LEPR: variants seen among roughly 807,000 people sequenced by gnomAD.
The protein encoded by LEPR is OB receptor.
LEPR carries 56 observed loss-of-function variants against 114.7 expected under a neutral mutation model. The observed-to-expected ratio is 0.49, with a 90% CI of 0.39 to 0.61. LEPR has a LOEUF of 0.61. LEPR is among the 20% of genes least tolerant of loss of function. LEPR has a pLI of 0.00. For synonymous variants in LEPR, 443 were observed against 461.4 expected (o/e 0.96, Z 0.51); for missense variants, 1,202 against 1,352.9 (o/e 0.89, Z 1.75).
At chr1:65,517,490 G>T (rs1017399611) in intron 2 of LEPR, among the ~76,000 whole-genome samples, 3 of 152,128 alleles carry the variant, frequency 2.0e-5, no homozygotes, top group Non-Finnish European at 4.4e-5. Context: ...AACAAATGTG[G>T]GCAAAGTAAG....
At position 65,601,855 on chromosome 1, in the gene LEPR, A is replaced by G. The variant is rs765998923; in HGVS notation, c.1298A>G (p.Asn433Ser). The change falls in exon 10 of 20, where the codon AAT becomes AGT. Residue 433 changes from asparagine (N) to serine (S), a missense_variant. Physicochemically the swap from Asn to Ser is conservative, Grantham distance 46. Transcript: ENST00000349533. ...ATGTTTCAAATAGATGTCAATATCA[A>G]TATCTCATGTGAAACTGATGGGTAC... ...AELYVIDVNI[N>S]ISCETDGYLT... 14 of 1,612,922 alleles carry G rather than the reference A, an allele frequency of 8.7e-6. No individual in the cohort carries two copies. In the African/African-American group the frequency reaches 1.6e-4, roughly 18 times the overall value.
intron 2 of LEPR, among the ~76,000 whole-genome samples, chr1:65,535,399 T>G (rs946868172): frequency 6.6e-6 from 1 of 151,474 alleles, no homozygotes; most frequent in Non-Finnish European, 1.5e-5. Flanking sequence ...AGTGTCTCGC[T>G]CTATCACCCA....
chr1:65,435,129 C>T, intron 2 of LEPR: 1 of 985,372 alleles, frequency 1.0e-6, no homozygotes, highest in Non-Finnish European at 1.2e-6. Flanking sequence ...AAAATCCTGT[C>T]ATACCTCATC....
chr1:65,547,032 G>A (rs563062797), intron 2 of LEPR, among the ~76,000 whole-genome samples: 15 of 152,046 alleles, frequency 9.9e-5, no homozygotes, highest in Non-Finnish European at 2.2e-4. Context: ...GTTGAATTTT[G>A]TCAAAGGCCT....
At position 65,598,095 on chromosome 1, in the gene LEPR, CTTTTTT is replaced by C. The variant is rs1226626771; in HGVS notation, c.850-550_850-545del. On this transcript the variant is annotated intron_variant, in intron 7 of 19. Transcript: ENST00000349533. ...CTAGGCTCAAGTGATCCTCCTGCCT[CTTTTTT>C]TTTTTTTTTTTTTTAAGAGATGAGG... Among the ~76,000 whole-genome samples the C allele has an allele frequency of 8.9e-5, 9 of 101,490 alleles. 1 individual carries two copies. The highest frequency in any genetic ancestry group is 4.0e-4 in the African/African-American group (9 of 22,634). The allele number at this position is 101,490 out of a possible 152,430, so 66.6% of individuals were successfully genotyped here. A position where few individuals can be genotyped will look rare whatever the true frequency, so the allele number is the denominator to read the frequency against.
chr1:65,523,168 G>A (rs1309483407), intron 2 of LEPR, among the ~76,000 whole-genome samples: 1 of 152,140 alleles, frequency 6.6e-6, no homozygotes, highest in East Asian at 1.9e-4. Context: ...TGTAACAATG[G>A]TCACTTGTGA....
At chr1:65,565,415 T>C (rs530042310) in intron 2 of LEPR, 131 bp from the exon 3 acceptor site, 2 of 801,504 alleles carry the variant, frequency 2.5e-6, no homozygotes, top group African/African-American at 3.5e-5. Context: ...TCTCAGATAT[T>C]GATCTAGAGT....
intron 2 of LEPR, among the ~76,000 whole-genome samples, chr1:65,488,210 T>TTCTTTCTTTCTTTCTTTCTCTCTCTC (rs1557620199): frequency 3.9e-5 from 1 of 25,856 alleles, no homozygotes; most frequent in African/African-American, 1.8e-4. Context: ...CTTTCTTTCT[T>TTCTTTCTTTCTTTCTTTCTCTCTCTC]TCTCTCTCTC....
rs150951046 is a variant in LEPR, at chr1:65,434,420, T to A, written c.-21+9042T>A. ...TCCAAAATTGGCCACAAGTAAATAA[T>A]CTTATGAAGGGATTCTTTATCATGT... On this transcript the variant is annotated intron_variant, in intron 2 of 19. Transcript: ENST00000349533. The A allele has an allele frequency of 1.0e-3, 995 of 985,342 alleles. 13 individuals carry two copies. The African/African-American group carries it at 0.017, about 16-fold the overall frequency. 61.0% of individuals were successfully genotyped at this position (985,342 alleles called of 1,614,324 possible). A position where few individuals can be genotyped will look rare whatever the true frequency, so the allele number is the denominator to read the frequency against.
chr1:65,540,601 C>G (rs1315059560), intron 2 of LEPR, among the ~76,000 whole-genome samples: 2 of 152,174 alleles, frequency 1.3e-5, no homozygotes, highest in African/African-American at 4.8e-5. Flanking sequence ...CTCATGCTTC[C>G]TTTATAGTCT....
At chr1:65,616,312 G>C in intron 15 of LEPR, 88 bp downstream of exon 15, 2 of 1,359,330 alleles carry the variant, frequency 1.5e-6, no homozygotes, top group Non-Finnish European at 2.0e-6. Flanking sequence ...CTTTCAAGCA[G>C]CCTGCAATTC....
At chr1:65,550,615 C>G (rs187725555) in intron 2 of LEPR, among the ~76,000 whole-genome samples, 2 of 152,202 alleles carry the variant, frequency 1.3e-5, no homozygotes, top group African/African-American at 4.8e-5. Flanking sequence ...TAGGACCCTC[C>G]GAACCAAGTG....
At chr1:65,475,657 A>C (rs1570523320) in intron 2 of LEPR, among the ~76,000 whole-genome samples, 1 of 152,266 alleles carries the variant, frequency 6.6e-6, no homozygotes, top group Middle Eastern at 3.4e-3. Context: ...ACTGACACAG[A>C]TTCATTAAAG....
At chr1:65,557,848 A>G (rs1652935244) in intron 2 of LEPR, among the ~76,000 whole-genome samples, 2 of 152,160 alleles carry the variant, frequency 1.3e-5, no homozygotes, top group African/African-American at 2.4e-5. Context: ...GGTTGTGTCT[A>G]TGTCCTTTTT....
intron 19 of LEPR, among the ~76,000 whole-genome samples, chr1:65,627,284 C>T (rs1043640457): frequency 9.9e-5 from 15 of 152,200 alleles, no homozygotes; most frequent in African/African-American, 2.4e-4. Context: ...AATATTGTTA[C>T]GTATATTTTA....
At chr1:65,458,283 C>G (rs1485693748) in intron 2 of LEPR, among the ~76,000 whole-genome samples, 1 of 152,144 alleles carries the variant, frequency 6.6e-6, no homozygotes, top group Non-Finnish European at 1.5e-5. Context: ...AAATATTCCT[C>G]CCATCTTCAT....
intron 2 of LEPR, among the ~76,000 whole-genome samples, chr1:65,507,539 A>G (rs1355719962): frequency 7.6e-5 from 11 of 145,500 alleles, no homozygotes; most frequent in East Asian, 4.0e-4. Flanking sequence ...ATATGTGTGT[A>G]TATATATATA....
chr1:65,438,131 T>TTA (rs1394082006), intron 2 of LEPR, among the ~76,000 whole-genome samples: 2 of 150,798 alleles, frequency 1.3e-5, no homozygotes, highest in African/African-American at 2.4e-5. Context: ...TTTTTTTTTT[T>TTA]TTTCAAAAAA....
chr1:65,597,531 G>A (rs1274882866), intron 7 of LEPR, among the ~76,000 whole-genome samples: 1 of 151,934 alleles, frequency 6.6e-6, no homozygotes, highest in Non-Finnish European at 1.5e-5. Context: ...TGAAGGAGAT[G>A]GTAATGTAGA....
Sources: gnomAD v4.1 joint callset for allele counts (sites outside exome capture counted in the v4.1 genomes callset) on GRCh38, gnomAD v4.1.1 for gene constraint, MANE v1.5 for transcripts, NCBI Gene and HGNC (gene_info 2026-07-23, HGNC 2026-07-21) for gene names.